The following INSR variants were observed in gnomAD, a reference collection of about 807,000 sequenced individuals.
INSR encodes the protein IR.
INSR carries 67 observed loss-of-function variants against 142.6 expected under a neutral mutation model. That is an observed-to-expected ratio of 0.47 (90% CI 0.39 to 0.58). The LOEUF (loss-of-function observed/expected upper bound fraction) is 0.58, where lower values mean the gene tolerates loss of function less well. Among genes scored for constraint, INSR ranks in the 20% least tolerant of loss-of-function variants. The pLI is 0.00. For synonymous variants in INSR, 756 were observed against 743.1 expected (o/e 1.02, Z -0.28); for missense variants, 1,248 against 1,833.2 (o/e 0.68, Z 5.83).
chr19:7,153,466 CCACACA>C (rs1396507198), intron 9 of INSR, among the ~76,000 whole-genome samples: 1 of 20,758 alleles, frequency 4.8e-5, no homozygotes, highest in Non-Finnish European at 5.3e-4. Flanking sequence ...ACGCCACACA[CCACACA>C]CACACCACAC....
chr19:7,152,405 G>A (rs367857331), intron 10 of INSR: 38 of 339,166 alleles, frequency 1.1e-4, no homozygotes, highest in African/African-American at 7.6e-4. Flanking sequence ...GAGAGAGAGA[G>A]AAAAAAAAAA....
intron 13 of INSR, among the ~76,000 whole-genome samples, chr19:7,134,142 T>G (rs4804071): frequency 0.56 from 83,641 of 149,770 alleles, 23,332 homozygotes; most frequent in Middle Eastern, 0.61. Context: ...TCGCGCCACT[T>G]AAGTCCAGCC....
intron 3 of INSR, among the ~76,000 whole-genome samples, chr19:7,176,647 C>A (rs913867590): frequency 6.6e-6 from 1 of 152,080 alleles, no homozygotes; most frequent in Non-Finnish European, 1.5e-5. Context: ...TTTCTCTCTT[C>A]CTTCAGTCAT....
At chr19:7,251,774 T>G (rs1162703092) in intron 2 of INSR, among the ~76,000 whole-genome samples, 4 of 151,994 alleles carry the variant, frequency 2.6e-5, no homozygotes, top group Non-Finnish European at 5.9e-5. Flanking sequence ...AGTTAGGGAT[T>G]ATATGAGTGT....
At chr19:7,259,233 T>C (rs987108993) in intron 2 of INSR, among the ~76,000 whole-genome samples, 6 of 123,832 alleles carry the variant, frequency 4.8e-5, no homozygotes, top group Non-Finnish European at 9.4e-5. Context: ...TTTCACCAAC[T>C]TCCCGCAATG....
chr19:7,277,537 C>G (rs956879290), intron 1 of INSR, among the ~76,000 whole-genome samples: 1 of 152,108 alleles, frequency 6.6e-6, no homozygotes, highest in Admixed American at 6.6e-5. Context: ...AGTGGTCATG[C>G]CTGTAATCCC....
intron 11 of INSR, among the ~76,000 whole-genome samples, chr19:7,148,986 G>A (rs1442859447): frequency 1.3e-5 from 2 of 151,140 alleles, no homozygotes; most frequent in Non-Finnish European, 2.9e-5. Flanking sequence ...GTAGTAACGG[G>A]GTTTCACCAT....
chr19:7,137,375 C>T (rs576144067), intron 13 of INSR, among the ~76,000 whole-genome samples: 27 of 152,062 alleles, frequency 1.8e-4, no homozygotes, highest in Admixed American at 5.2e-4. Flanking sequence ...GCTGGGAATG[C>T]TGGGATGCAC....
rs1396201152 is a variant in INSR, at chr19:7,119,786, GCA to G, written c.3660-205_3660-204del. 6.8e-6 allele frequency among the ~76,000 whole-genome samples: 1 copy of G among 147,034 alleles called. No homozygotes were observed. The highest frequency in any genetic ancestry group is 1.5e-5 in the Non-Finnish European group (1 of 66,920). ...CACACAAACACGCATGCGCACACATGCACACACAAATATGCAAACACACAAAC... is the reference window on the plus strand; with the variant it reads ...CACACAAACACGCATGCGCACACATGCACACAAATATGCAAACACACAAAC... On this transcript the variant is annotated intron_variant, in intron 20 of 21. Coordinates refer to ENST00000302850, the MANE Select transcript of INSR (RefSeq NM_000208.4). This position sits in a 1 kb window ranked among gnomAD's most constrained non-coding sequence, Gnocchi z 5.2.
chr19:7,261,385 T>C (rs1977057981), intron 2 of INSR, among the ~76,000 whole-genome samples: 1 of 152,102 alleles, frequency 6.6e-6, no homozygotes, highest in South Asian at 2.1e-4. Context: ...CCGTCTCCAC[T>C]CTTCCCATGT....
chr19:7,143,912 G>A (rs924268785), intron 11 of INSR, among the ~76,000 whole-genome samples: 2 of 151,920 alleles, frequency 1.3e-5, no homozygotes, highest in African/African-American at 2.4e-5. Context: ...AAAATTAGCC[G>A]AGCCTGATGG....
intron 3 of INSR, among the ~76,000 whole-genome samples, chr19:7,181,250 TGG>T (rs1313865894): frequency 1.3e-5 from 2 of 152,014 alleles, no homozygotes; most frequent in Non-Finnish European, 2.9e-5. Context: ...CTGGCCCAGG[TGG>T]CCACTTTTTA....
chr19:7,287,725 G>T (rs952697148), intron 1 of INSR, among the ~76,000 whole-genome samples: 21 of 152,154 alleles, frequency 1.4e-4, no homozygotes, highest in African/African-American at 5.1e-4. Flanking sequence ...TAAAGAGAAA[G>T]ACATAGCGTT....
chr19:7,198,226 C>T (rs2145036178), intron 2 of INSR, among the ~76,000 whole-genome samples: 1 of 151,446 alleles, frequency 6.6e-6, no homozygotes, highest in Admixed American at 6.6e-5. Flanking sequence ...CCCTCGCGCT[C>T]AGCCAATGGG....
At chr19:7,238,504 C>T (rs1976232147) in intron 2 of INSR, among the ~76,000 whole-genome samples, 1 of 151,118 alleles carries the variant, frequency 6.6e-6, no homozygotes, top group South Asian at 2.1e-4. Flanking sequence ...ACCTGTAATT[C>T]CAGCTACCCG....
intron 1 of INSR, among the ~76,000 whole-genome samples, chr19:7,275,586 C>A (rs930159516): frequency 3.3e-5 from 5 of 151,938 alleles, no homozygotes; most frequent in African/African-American, 1.2e-4. Flanking sequence ...AGTTTGAGAT[C>A]AGCCTGGATA....
At chr19:7,239,361 A>G (rs1300535411) in intron 2 of INSR, among the ~76,000 whole-genome samples, 1 of 148,624 alleles carries the variant, frequency 6.7e-6, no homozygotes, top group African/African-American at 2.5e-5. Context: ...GCTAAGAAGC[A>G]TACAGAGAGA....
chr19:7,219,883 A>G (rs185822467), intron 2 of INSR, among the ~76,000 whole-genome samples: 15 of 149,724 alleles, frequency 1.0e-4, no homozygotes, highest in African/African-American at 2.7e-4. Flanking sequence ...TGGCACCTGG[A>G]TTATAGCTTC....
At chr19:7,117,711 A>G (rs1972371470) in intron 21 of INSR, among the ~76,000 whole-genome samples, 1 of 151,844 alleles carries the variant, frequency 6.6e-6, no homozygotes, top group Non-Finnish European at 1.5e-5. Context: ...GGCTCGAGCA[A>G]TCCTCTCACC....
Sources: gnomAD v4.1 joint callset for allele counts (sites outside exome capture counted in the v4.1 genomes callset) on GRCh38, gnomAD v4.1.1 for gene constraint, Gnocchi (gnomAD v3.1) non-coding constraint, MANE v1.5 for transcripts, NCBI Gene and HGNC (gene_info 2026-07-23, HGNC 2026-07-21) for gene names.